EEIG2: variants seen among roughly 807,000 people sequenced by gnomAD.
EEIG2 encodes EEIG family member 2.
chr1:108,597,166 T>C, the EEIG2 span, among the ~76,000 whole-genome samples: 1 of 152,196 alleles, frequency 6.6e-6, no homozygotes, highest in Non-Finnish European at 1.5e-5. Flanking sequence ...TCTCAGATTT[T>C]TATTGTAGGC....
chr1:108,622,266 T>C, the EEIG2 span, among the ~76,000 whole-genome samples: 1 of 152,186 alleles, frequency 6.6e-6, no homozygotes, highest in Non-Finnish European at 1.5e-5. Flanking sequence ...GAAGGAGCTA[T>C]GGAGGGGTTT....
the EEIG2 span, among the ~76,000 whole-genome samples, chr1:108,587,905 A>G: frequency 6.6e-6 from 1 of 152,110 alleles, no homozygotes; most frequent in East Asian, 1.9e-4. Context: ...GAGCAAAATA[A>G]ATTTTGTGAG....
At chr1:108,619,514 C>T in the EEIG2 span, among the ~76,000 whole-genome samples, 1 of 152,168 alleles carries the variant, frequency 6.6e-6, no homozygotes, top group African/African-American at 2.4e-5. Flanking sequence ...AGTCACATTA[C>T]TTTAGAGCCG....
chr1:108,637,962 C>CT, the EEIG2 span: 1 of 152,682 alleles, frequency 6.5e-6, no homozygotes, highest in African/African-American at 2.4e-5. Flanking sequence ...TGGATTAGTG[C>CT]TTATGATCTT....
the EEIG2 span, among the ~76,000 whole-genome samples, chr1:108,594,847 A>G: frequency 6.6e-6 from 1 of 151,946 alleles, no homozygotes; most frequent in South Asian, 2.1e-4. Flanking sequence ...TTACCTGTCC[A>G]TATTTATAAT....
the EEIG2 span, among the ~76,000 whole-genome samples, chr1:108,588,459 T>A: frequency 3.3e-5 from 5 of 152,218 alleles, no homozygotes; most frequent in Non-Finnish European, 5.9e-5. Flanking sequence ...TGATTAATGA[T>A]GTTGAGCATC....
chr1:108,575,025 T>C, the EEIG2 span, among the ~76,000 whole-genome samples: 14 of 152,348 alleles, frequency 9.2e-5, no homozygotes, highest in African/African-American at 3.4e-4. Context: ...TATACACATA[T>C]GGGCTTAAAC....
the EEIG2 span, chr1:108,628,644 A>G: frequency 5.7e-6 from 9 of 1,587,298 alleles, no homozygotes; most frequent in South Asian, 2.4e-5. Context: ...TTCATAACAT[A>G]ATAAAAAGGA....
At chr1:108,617,252 G>T in the EEIG2 span, among the ~76,000 whole-genome samples, 1 of 152,166 alleles carries the variant, frequency 6.6e-6, no homozygotes, top group Non-Finnish European at 1.5e-5. Context: ...GCTATTGGAG[G>T]TTTTGAGCAG....
At chr1:108,576,430 A>G in the EEIG2 span, among the ~76,000 whole-genome samples, 5 of 127,894 alleles carry the variant, frequency 3.9e-5, no homozygotes, top group African/African-American at 8.9e-5. Context: ...ATATCTCCCA[A>G]TGCTATCCCT....
the EEIG2 span, among the ~76,000 whole-genome samples, chr1:108,584,514 T>C: frequency 2.6e-5 from 4 of 152,274 alleles, no homozygotes; most frequent in African/African-American, 9.6e-5. Context: ...GTTTGCTTTG[T>C]TTTATTTAAG....
the EEIG2 span, chr1:108,631,178 A>C: frequency 5.3e-6 from 2 of 376,148 alleles, no homozygotes; most frequent in Non-Finnish European, 1.1e-5. Context: ...ATTTGTAGGT[A>C]AGGATGCAAG....
the EEIG2 span, among the ~76,000 whole-genome samples, chr1:108,624,325 C>T: frequency 6.6e-6 from 1 of 151,876 alleles, no homozygotes; most frequent in Non-Finnish European, 1.5e-5. Flanking sequence ...AGGTGCTGTC[C>T]TGAGTTGACA....
the EEIG2 span, among the ~76,000 whole-genome samples, chr1:108,567,098 A>G: frequency 6.6e-6 from 1 of 152,346 alleles, no homozygotes; most frequent in East Asian, 1.9e-4. Flanking sequence ...AACATTACAT[A>G]GTACACAGTA....
the EEIG2 span, among the ~76,000 whole-genome samples, chr1:108,572,221 A>G: frequency 0.043 from 6,580 of 152,074 alleles, 189 homozygotes; most frequent in South Asian, 0.12. Flanking sequence ...TCACATCTCT[A>G]ATTCCTTCTC....
chr1:108,596,441 A>G, the EEIG2 span, among the ~76,000 whole-genome samples: 1 of 152,082 alleles, frequency 6.6e-6, no homozygotes, highest in Non-Finnish European at 1.5e-5. Flanking sequence ...CCTGCCCTCT[A>G]TCCTTGCAAT....
At chr1:108,616,293 C>G in the EEIG2 span, 1 of 841,266 alleles carries the variant, frequency 1.2e-6, no homozygotes, top group Non-Finnish European at 2.0e-6. Context: ...TTATTTAATG[C>G]TTTCCCAATA....
the EEIG2 span, among the ~76,000 whole-genome samples, chr1:108,623,607 TGCC>T: frequency 1.3e-5 from 2 of 152,250 alleles, no homozygotes; most frequent in African/African-American, 4.8e-5. Context: ...ATGCATTGCA[TGCC>T]TGTATCAAAA....
the EEIG2 span, among the ~76,000 whole-genome samples, chr1:108,603,602 A>G: frequency 1.3e-5 from 2 of 152,234 alleles, no homozygotes; most frequent in South Asian, 4.1e-4. Context: ...TTTCATACCC[A>G]GTTATCAAGC....
Sources: allele counts gnomAD v4.1 joint callset (sites outside exome capture counted in the v4.1 genomes callset), GRCh38; gene constraint gnomAD v4.1.1; transcripts MANE v1.5; gene names NCBI Gene and HGNC (gene_info 2026-07-23, HGNC 2026-07-21).